The following ADCK2 variants were observed in gnomAD, a reference collection of about 807,000 sequenced individuals.
The protein encoded by ADCK2 is aarF domain containing kinase 2, also known as uncharacterized aarF domain-containing protein kinase 2.
Under a neutral mutation model 52.3 loss-of-function variants are expected in ADCK2, and 37 were observed. The ratio of observed to expected loss-of-function variants is 0.71; its 90% CI spans 0.54 to 0.93. The LOEUF is 0.93. ADCK2 is among the 40% of genes least tolerant of loss of function. The pLI is 0.00. For synonymous variants in ADCK2, 321 were observed against 349.2 expected, an observed-to-expected ratio of 0.92 and a Z score of 0.90; for missense variants, 695 against 798.7, an observed-to-expected ratio of 0.87 and a Z score of 1.56.
rs1197083471 is a variant in ADCK2 at position 140,674,441 on chromosome 7, A to AG, written c.934-168dup. ...AGTGGCGGTGTGAATAGTCTGATAG[A>AG]GGAAAATGAACTGAGTCTGGAGTGA... On this transcript the variant is annotated intron_variant, in intron 1 of 7. Coordinates refer to ENST00000072869, the MANE Select transcript of ADCK2 (RefSeq NM_052853.4). This position sits in a 1 kb window ranked among gnomAD's most constrained non-coding sequence, Gnocchi z 4.6. The AG allele has an allele frequency of 5.4e-6, 6 of 1,105,698 alleles. No individual in the cohort carries two copies. Among genetic ancestry groups the AG allele is most frequent in the Non-Finnish European group, 7.5e-6 (6 of 796,884 alleles). The allele number at this position is 1,105,698 out of a possible 1,614,324, so 68.5% of individuals were successfully genotyped here.
At chr7:140,689,001 T>G (rs1794657226) in intron 5 of ADCK2, among the ~76,000 whole-genome samples, 1 of 151,918 alleles carries the variant, frequency 6.6e-6, no homozygotes, top group Non-Finnish European at 1.5e-5. Context: ...GGAATCTCAC[T>G]CTGTTCCCTG....
intron 4 of ADCK2, among the ~76,000 whole-genome samples, chr7:140,684,054 T>G (rs1794563396): frequency 6.6e-6 from 1 of 152,034 alleles, no homozygotes; most frequent in Admixed American, 6.6e-5. Flanking sequence ...AAGAGCTACT[T>G]GGAAAATGTG....
intron 4 of ADCK2, 22 bp from the exon 5 acceptor site, chr7:140,686,968 G>A (rs1794613501): frequency 6.2e-7 from 1 of 1,607,480 alleles, no homozygotes; most frequent in Non-Finnish European, 8.5e-7. Context: ...ACTCACTCAT[G>A]AGCATTGTGA....
intron 6 of ADCK2, 91 bp downstream of exon 6, chr7:140,689,816 A>G: frequency 7.5e-7 from 1 of 1,330,568 alleles, no homozygotes; most frequent in Non-Finnish European, 9.8e-7. Flanking sequence ...CCTCTTTATG[A>G]GGGGTGTGAG....
chr7:140,681,836 G>A (rs1056313006), intron 4 of ADCK2, among the ~76,000 whole-genome samples: 2 of 151,590 alleles, frequency 1.3e-5, no homozygotes, highest in African/African-American at 4.9e-5. Context: ...GTCCAGGGCA[G>A]TCTTGAACTC....
chr7:140,681,553 C>T (rs974947544), intron 4 of ADCK2, among the ~76,000 whole-genome samples: 6 of 151,624 alleles, frequency 4.0e-5, no homozygotes, highest in Admixed American at 3.3e-4. Context: ...ATCTCCTGAC[C>T]TCATGATCCA....
chr7:140,685,790 T>G (rs1296250390), intron 4 of ADCK2, among the ~76,000 whole-genome samples: 3 of 152,166 alleles, frequency 2.0e-5, no homozygotes, highest in Non-Finnish European at 4.4e-5. Context: ...TGCTCCTGCC[T>G]TGGTCTCTCC....
chr7:140,685,575 C>G (rs1406086133), intron 4 of ADCK2, among the ~76,000 whole-genome samples: 1 of 152,196 alleles, frequency 6.6e-6, no homozygotes, highest in African/African-American at 2.4e-5. Flanking sequence ...TCCCAGCCCC[C>G]CAGGTCCCAG....
At chr7:140,686,316 C>T (rs1030286187) in intron 4 of ADCK2, among the ~76,000 whole-genome samples, 2 of 152,002 alleles carry the variant, frequency 1.3e-5, no homozygotes, top group Admixed American at 6.6e-5. Flanking sequence ...AGTCTCGCTC[C>T]GTCGCCCAGA....
chr7:140,676,932 A>C (rs1794429291), intron 2 of ADCK2, among the ~76,000 whole-genome samples: 1 of 152,118 alleles, frequency 6.6e-6, no homozygotes, highest in Admixed American at 6.6e-5. Context: ...CTGAGGTGGG[A>C]GAATCGCTTG....
chr7:140,676,543 C>T (rs1794422136), intron 2 of ADCK2, among the ~76,000 whole-genome samples: 1 of 152,208 alleles, frequency 6.6e-6, no homozygotes, highest in East Asian at 1.9e-4. Context: ...GTGGTTCCAT[C>T]ACTTCAAACT....
Position 140,678,671 on chromosome 7 carries a change from T to C in ADCK2, c.1081-484T>C, listed in dbSNP as rs1341076266. 6.6e-6 allele frequency among the ~76,000 whole-genome samples: 1 copy of C among 151,978 alleles called. No homozygotes were observed. Among genetic ancestry groups the C allele is most frequent in the African/African-American group, 2.4e-5 (1 of 41,372 alleles). ...TGATGATAAACCTGGAAGTGGTCCTTTGGGTCTGGTGAGTGGTGGTTGGGG... is the reference window on the plus strand; with the variant it reads ...TGATGATAAACCTGGAAGTGGTCCTCTGGGTCTGGTGAGTGGTGGTTGGGG... On this transcript the variant is annotated intron_variant, in intron 2 of 7. Coordinates refer to ENST00000072869, the MANE Select transcript of ADCK2 (RefSeq NM_052853.4). The surrounding 1 kb of genome is among the most constrained non-coding windows in gnomAD (Gnocchi z 4.9).
rs2130776483 is a variant in ADCK2 at position 140,673,480 on chromosome 7, C to T, written c.150C>T (p.Val50=). 2 of 1,608,092 alleles carry T rather than the reference C, an allele frequency of 1.2e-6. No individual in the cohort carries two copies. Among genetic ancestry groups the T allele is most frequent in the Non-Finnish European group, 1.7e-6 (2 of 1,178,286 alleles). The change falls in exon 1 of 8, where the codon GTC becomes GTT. Residue 50 remains valine (V), a synonymous_variant. Transcript: ENST00000072869. The surrounding 1 kb of genome is among the most constrained non-coding windows in gnomAD (Gnocchi z 6.4). ...TTCTGCTGGGCACTTTGCCCAAGGT[C>T]GTCTCCCTGTGCGGGGACGTGGGTG... ...CWLLLGTLPK[V]VSLCGDVGEG...
chr7:140,692,332 C>T (rs1348014809), intron 7 of ADCK2, among the ~76,000 whole-genome samples: 16 of 152,090 alleles, frequency 1.1e-4, no homozygotes, highest in African/African-American at 3.9e-4. Context: ...ATATAATGTC[C>T]CCAGGTTTCA....
At chr7:140,679,660 C>CT (rs1794481727) in intron 3 of ADCK2, among the ~76,000 whole-genome samples, 1 of 135,966 alleles carries the variant, frequency 7.4e-6, no homozygotes, top group South Asian at 2.4e-4. Context: ...AGCCTTCTCT[C>CT]TCTTTTTTTT....
At chr7:140,679,524 C>A (rs1447579725) in intron 3 of ADCK2, among the ~76,000 whole-genome samples, 2 of 152,048 alleles carry the variant, frequency 1.3e-5, no homozygotes, top group African/African-American at 4.8e-5. Flanking sequence ...TAGTTGGTGA[C>A]CTGCCTTAGA....
Position 140,689,733 on chromosome 7 carries a change from G to C in ADCK2, c.1686+8G>C. 1 of 1,607,632 alleles carries C rather than the reference G, an allele frequency of 6.2e-7. No individual in the cohort carries two copies. The highest frequency in any genetic ancestry group is 8.5e-7 in the Non-Finnish European group (1 of 1,176,258). The stretch of plus-strand genomic sequence containing the variant: ...ACCATCACCCTGGAGAAGGTGGGCA[G>C]GTCACTTGCGGAACAGGGGCTGGGG... On this transcript the variant is annotated splice_region_variant and intron_variant, in intron 6 of 7. Transcript: ENST00000072869.
intron 5 of ADCK2, 121 bp from the exon 6 acceptor site, chr7:140,689,476 A>T: frequency 8.0e-7 from 1 of 1,249,182 alleles, no homozygotes; most frequent in African/African-American, 1.5e-5. Flanking sequence ...GAGGAGGAAG[A>T]GCCAAAAGCA....
intron 2 of ADCK2, among the ~76,000 whole-genome samples, chr7:140,676,648 G>C (rs1794424061): frequency 6.6e-6 from 1 of 152,184 alleles, no homozygotes; most frequent in Non-Finnish European, 1.5e-5. Flanking sequence ...TTCCTAGGCT[G>C]GAAGCCTTAG....
Sources: gnomAD v4.1 joint callset for allele counts (sites outside exome capture counted in the v4.1 genomes callset) on GRCh38, gnomAD v4.1.1 for gene constraint, Gnocchi (gnomAD v3.1) non-coding constraint, MANE v1.5 for transcripts, NCBI Gene and HGNC (gene_info 2026-07-23, HGNC 2026-07-21) for gene names.